The following RNF150 variants were observed in gnomAD, a reference collection of about 807,000 sequenced individuals.
RNF150 encodes ring finger protein 150.
Under a neutral mutation model 39.3 loss-of-function variants are expected in RNF150, and 24 were observed. That is an observed-to-expected ratio of 0.61 (90% CI 0.44 to 0.86). The LOEUF is 0.86. Among genes scored for constraint, RNF150 ranks in the 40% least tolerant of loss-of-function variants. The pLI is 0.00. For synonymous variants in RNF150, 255 were observed against 227.3 expected (o/e 1.12, Z -1.10); for missense variants, 502 against 587.8 (o/e 0.85, Z 1.51).
At chr4:140,916,888 C>T (rs529031385) in intron 5 of RNF150, among the ~76,000 whole-genome samples, 17 of 152,194 alleles carry the variant, frequency 1.1e-4, no homozygotes, top group Non-Finnish European at 2.2e-4. Context: ...AGCCAATATT[C>T]AATATTCTTA....
At chr4:141,078,738 C>A (rs576116006) in intron 1 of RNF150, among the ~76,000 whole-genome samples, 1 of 139,326 alleles carries the variant, frequency 7.2e-6, no homozygotes, top group Non-Finnish European at 1.5e-5. Context: ...TGCAGTGAGC[C>A]GAGATCGTGC....
At chr4:141,142,390 C>T (rs1017480628) in intron 1 of RNF150, among the ~76,000 whole-genome samples, 2 of 152,232 alleles carry the variant, frequency 1.3e-5, no homozygotes, top group African/African-American at 4.8e-5. Flanking sequence ...TCTTCCACAT[C>T]AGTAACCTCC....
chr4:140,924,512 A>C (rs2111317679), intron 5 of RNF150, among the ~76,000 whole-genome samples: 1 of 152,272 alleles, frequency 6.6e-6, no homozygotes, highest in East Asian at 1.9e-4. Flanking sequence ...AACACATCAA[A>C]GGATGCAACT....
chr4:141,117,900 G>A (rs1039682764), intron 1 of RNF150, among the ~76,000 whole-genome samples: 22 of 152,198 alleles, frequency 1.4e-4, no homozygotes, highest in African/African-American at 4.8e-4. Context: ...TCTGGAACTG[G>A]AAAGGTGATT....
At chr4:140,920,482 A>G (rs1017822293) in intron 5 of RNF150, among the ~76,000 whole-genome samples, 9 of 122,818 alleles carry the variant, frequency 7.3e-5, no homozygotes, top group African/African-American at 2.6e-4. Context: ...CAAAACCACA[A>G]TGAGATACCA....
At chr4:141,155,398 G>T (rs1292172043) in intron 1 of RNF150, among the ~76,000 whole-genome samples, 1 of 151,782 alleles carries the variant, frequency 6.6e-6, no homozygotes, top group Non-Finnish European at 1.5e-5. Flanking sequence ...ACGACCGGCC[G>T]AGAGCTTTAT....
chr4:141,155,060 T>C (rs993702759), intron 1 of RNF150, among the ~76,000 whole-genome samples: 4 of 151,994 alleles, frequency 2.6e-5, no homozygotes, highest in Admixed American at 1.3e-4. Flanking sequence ...GTGAGATCTA[T>C]ACATTTGGAG....
At chr4:141,051,983 T>C (rs1736794542) in intron 1 of RNF150, among the ~76,000 whole-genome samples, 1 of 152,164 alleles carries the variant, frequency 6.6e-6, no homozygotes, top group Non-Finnish European at 1.5e-5. Flanking sequence ...GTCCTCACAA[T>C]CATGGCGGAA....
At chr4:141,061,117 C>A (rs953487204) in intron 1 of RNF150, among the ~76,000 whole-genome samples, 20 of 151,748 alleles carry the variant, frequency 1.3e-4, no homozygotes, top group African/African-American at 4.4e-4. Context: ...TGCACATCTA[C>A]CCCAGAAGTT....
chr4:141,134,720 T>C (rs959149283), upstream of RNF150, among the ~76,000 whole-genome samples: 6 of 152,212 alleles, frequency 3.9e-5, no homozygotes, highest in African/African-American at 7.2e-5. Context: ...TTTTAGAAAA[T>C]AGGCTTCTAG....
intron 2 of RNF150, among the ~76,000 whole-genome samples, chr4:140,959,197 C>T (rs1409798148): frequency 2.0e-5 from 3 of 152,130 alleles, no homozygotes; most frequent in Admixed American, 6.6e-5. Flanking sequence ...CTACTTCGCA[C>T]CAAAACCATT....
intron 1 of RNF150, among the ~76,000 whole-genome samples, chr4:141,152,317 T>C (rs1308752438): frequency 1.3e-5 from 2 of 152,158 alleles, no homozygotes; most frequent in Admixed American, 1.3e-4. Flanking sequence ...AAAAAGAAAA[T>C]GTAAGCATTC....
intron 1 of RNF150, among the ~76,000 whole-genome samples, chr4:141,130,166 GAGCTGGC>G (rs1726854591): frequency 1.3e-5 from 2 of 152,162 alleles, no homozygotes; most frequent in African/African-American, 4.8e-5. Context: ...AGCCAGACAA[GAGCTGGC>G]AGTGTTTGAG....
intron 1 of RNF150, among the ~76,000 whole-genome samples, chr4:141,169,561 G>A (rs1469518343): frequency 6.6e-6 from 1 of 152,102 alleles, no homozygotes; most frequent in Admixed American, 6.6e-5. Context: ...TGAGAAACAG[G>A]AAAAGGTCCA....
chr4:140,950,287 CT>C (rs1466631450), intron 2 of RNF150, among the ~76,000 whole-genome samples: 1 of 152,200 alleles, frequency 6.6e-6, no homozygotes, highest in Non-Finnish European at 1.5e-5. Context: ...TAATCATTTG[CT>C]TTCACTAATT....
intron 2 of RNF150, among the ~76,000 whole-genome samples, chr4:140,955,357 G>T (rs967373213): frequency 6.6e-6 from 1 of 152,190 alleles, no homozygotes; most frequent in Non-Finnish European, 1.5e-5. Flanking sequence ...TGTTGGAGGT[G>T]TTGTAGAGCA....
intron 1 of RNF150, among the ~76,000 whole-genome samples, chr4:141,058,690 C>G (rs756663627): frequency 6.6e-6 from 1 of 152,122 alleles, no homozygotes; most frequent in Non-Finnish European, 1.5e-5. Context: ...ATAACTACTT[C>G]AAAGGATTGT....
chr4:140,916,143 C>T (rs1407211203), intron 5 of RNF150, among the ~76,000 whole-genome samples: 2 of 152,200 alleles, frequency 1.3e-5, no homozygotes, highest in Non-Finnish European at 2.9e-5. Flanking sequence ...AGCACCTCTC[C>T]TCCTCCAAAA....
At chr4:141,015,280 G>T (rs1039949718) in intron 1 of RNF150, among the ~76,000 whole-genome samples, 4 of 152,122 alleles carry the variant, frequency 2.6e-5, no homozygotes, top group African/African-American at 9.7e-5. Flanking sequence ...TTTTGCTCAA[G>T]ACTGTTTTGG....
Sources: allele counts gnomAD v4.1 joint callset (sites outside exome capture counted in the v4.1 genomes callset), GRCh38; gene constraint gnomAD v4.1.1; transcripts MANE v1.5; gene names NCBI Gene and HGNC (gene_info 2026-07-23, HGNC 2026-07-21).